Variants in BBS9 observed in about 807,000 individuals in gnomAD.
BBS9 encodes the protein protein PTHB1.
In BBS9, 89 loss-of-function variants were observed where a neutral mutation model predicts 117.7. The ratio of observed to expected loss-of-function variants is 0.76; its 90% CI spans 0.64 to 0.90. The LOEUF (loss-of-function observed/expected upper bound fraction) is 0.90. BBS9 is among the 40% of genes least tolerant of loss of function. The pLI, the probability that BBS9 is intolerant of heterozygous loss-of-function variation, is 0.00. For missense variants in BBS9, 982 were observed against 1,042.2 expected, an observed-to-expected ratio of 0.94 and a Z score of 0.80; for synonymous variants, 379 against 370.9, an observed-to-expected ratio of 1.02 and a Z score of -0.25.
chr7:33,169,888 T>C (rs535510971), intron 4 of BBS9, among the ~76,000 whole-genome samples: 1 of 151,886 alleles, frequency 6.6e-6, no homozygotes, highest in South Asian at 2.1e-4. Context: ...TCCTTGCCCA[T>C]GCCTATGTTC....
At chr7:33,272,527 A>G (rs974012811) in intron 7 of BBS9, among the ~76,000 whole-genome samples, 1 of 152,174 alleles carries the variant, frequency 6.6e-6, no homozygotes, top group African/African-American at 2.4e-5. Flanking sequence ...ATTGAACATT[A>G]ACTGTATCCC....
At chr7:33,232,365 A>G (rs1192668880) in intron 5 of BBS9, among the ~76,000 whole-genome samples, 4 of 152,146 alleles carry the variant, frequency 2.6e-5, no homozygotes, top group Non-Finnish European at 2.9e-5. Flanking sequence ...CTTTAATACT[A>G]AAGTTTAGAT....
intron 21 of BBS9, among the ~76,000 whole-genome samples, chr7:33,539,150 T>C (rs1851892292): frequency 6.6e-6 from 1 of 152,184 alleles, no homozygotes. Context: ...TATAAGATTA[T>C]ACAGGTGTGA....
At chr7:33,429,669 A>G (rs1379040080) in intron 19 of BBS9, among the ~76,000 whole-genome samples, 1 of 151,766 alleles carries the variant, frequency 6.6e-6, no homozygotes, top group Non-Finnish European at 1.5e-5. Context: ...AAATAAATTT[A>G]TTTATTTATT....
chr7:33,214,931 C>T (rs1166845039), intron 5 of BBS9, among the ~76,000 whole-genome samples: 2 of 152,234 alleles, frequency 1.3e-5, no homozygotes, highest in Non-Finnish European at 2.9e-5. Flanking sequence ...CAGTGGCTCA[C>T]GCCTGTAATC....
At chr7:33,349,737 T>A (rs919024322) in intron 13 of BBS9, among the ~76,000 whole-genome samples, 5 of 152,192 alleles carry the variant, frequency 3.3e-5, no homozygotes, top group Non-Finnish European at 7.3e-5. Flanking sequence ...GGCCTGTTTT[T>A]AGATACTAAA....
intron 21 of BBS9, among the ~76,000 whole-genome samples, chr7:33,591,370 A>AC (rs1335831441): frequency 6.6e-6 from 1 of 152,058 alleles, no homozygotes; most frequent in Non-Finnish European, 1.5e-5. Flanking sequence ...GTAATATTTT[A>AC]CTATTTTTTA....
intron 3 of BBS9, among the ~76,000 whole-genome samples, chr7:33,153,989 A>C (rs959529496): frequency 6.6e-6 from 1 of 152,214 alleles, no homozygotes; most frequent in Non-Finnish European, 1.5e-5. Flanking sequence ...ACAGCCAATA[A>C]TCATTCTGTA....
chr7:33,431,939 G>A (rs972761645), intron 19 of BBS9, among the ~76,000 whole-genome samples: 1 of 152,080 alleles, frequency 6.6e-6, no homozygotes, highest in Admixed American at 6.5e-5. Flanking sequence ...AGCAAATCAA[G>A]CACCACTTGA....
chr7:33,403,764 C>T (rs552558462), intron 19 of BBS9, among the ~76,000 whole-genome samples: 87 of 151,998 alleles, frequency 5.7e-4, no homozygotes, highest in Non-Finnish European at 8.5e-4. Flanking sequence ...TGACTAGTGC[C>T]GCAATAGACA....
In BBS9 at chr7:33,184,136, C is replaced by CAAGGG. The variant is rs1169607962; in HGVS notation, c.442+6552_442+6556dup. On this transcript the variant is annotated intron_variant, in intron 5 of 22. Coordinates refer to ENST00000242067, the MANE Select transcript of BBS9 (RefSeq NM_198428.3). ...GAGAGAGAGAGTGAGAGAAGAAAGG[C>CAAGGG]AAGGGAAGGGAGAAAAGCATTGCCT... Among the ~76,000 whole-genome samples, 10 of 150,794 alleles carry CAAGGG rather than the reference C, an allele frequency of 6.6e-5. No individual in the cohort carries two copies. In the East Asian group the frequency reaches 2.0e-3, roughly 30 times the overall value.
chr7:33,219,590 G>C (rs554432314), intron 5 of BBS9, among the ~76,000 whole-genome samples: 1 of 152,322 alleles, frequency 6.6e-6, no homozygotes, highest in Admixed American at 6.5e-5. Flanking sequence ...TTGACACTCT[G>C]TGTCTAGCTA....
rs1220360542 is a variant in BBS9, at chr7:33,556,904, A to G, written c.2521+22728A>G. ...AATAAGAAGTACAAGCCTGTCTACAAGAAGACTAACCTAATCTAAAGGGTT... is the reference window on the plus strand; with the variant it reads ...AATAAGAAGTACAAGCCTGTCTACAGGAAGACTAACCTAATCTAAAGGGTT... On this transcript the variant is annotated intron_variant, in intron 21 of 22. Coordinates refer to ENST00000242067, the MANE Select transcript of BBS9 (RefSeq NM_198428.3). Among the ~76,000 whole-genome samples the G allele has an allele frequency of 3.3e-5, 5 of 152,228 alleles. No individual in the cohort carries two copies. In the East Asian group the frequency reaches 9.6e-4, roughly 29 times the overall value.
chr7:33,141,283 G>A (rs1239759788), intron 1 of BBS9, among the ~76,000 whole-genome samples: 9 of 152,146 alleles, frequency 5.9e-5, no homozygotes, highest in South Asian at 4.1e-4. Flanking sequence ...TTAGCTGGGC[G>A]TGTTGGCAGG....
At chr7:33,601,992 A>G (rs1359814695) in intron 21 of BBS9, among the ~76,000 whole-genome samples, 2 of 152,188 alleles carry the variant, frequency 1.3e-5, no homozygotes, top group East Asian at 1.9e-4. Context: ...ACTTCTTGTT[A>G]TACAACTACT....
chr7:33,390,449 T>A (rs1320189011), intron 19 of BBS9: 12 of 981,726 alleles, frequency 1.2e-5, no homozygotes, highest in Non-Finnish European at 1.5e-5. Flanking sequence ...GAATGTATAT[T>A]GTTAAGTCCC....
At position 33,495,531 on chromosome 7, in the gene BBS9, C is replaced by T. The variant is rs142282611; in HGVS notation, c.2116-9932C>T. Among the ~76,000 whole-genome samples the T allele has an allele frequency of 5.1e-3, 782 of 152,310 alleles. 9 individuals are homozygous for T. Among genetic ancestry groups the T allele is most frequent in the African/African-American group, 0.018 (748 of 41,566 alleles). ...CCAGGGCTTGTAAAATGAGCTCTGA[C>T]ATTGCCAACCATAGATTCCAGCTTT... On this transcript the variant is annotated intron_variant, in intron 19 of 22. Transcript: ENST00000242067.
intron 19 of BBS9, among the ~76,000 whole-genome samples, chr7:33,468,641 A>C (rs569700189): frequency 5.9e-5 from 9 of 152,240 alleles, no homozygotes; most frequent in African/African-American, 1.2e-4. Flanking sequence ...CCCGTTAACC[A>C]ACCTCTCTGC....
intron 18 of BBS9, among the ~76,000 whole-genome samples, chr7:33,386,092 G>T (rs961708124): frequency 6.6e-6 from 1 of 151,674 alleles, no homozygotes; most frequent in Middle Eastern, 3.2e-3. Context: ...TAACAAACCT[G>T]CACGTTGTGC....
Sources: allele counts gnomAD v4.1 joint callset (sites outside exome capture counted in the v4.1 genomes callset), GRCh38; gene constraint gnomAD v4.1.1; transcripts MANE v1.5; gene names NCBI Gene and HGNC (gene_info 2026-07-23, HGNC 2026-07-21).